The following RBFOX1 variants were observed in gnomAD, a reference collection of about 807,000 sequenced individuals.
The protein encoded by RBFOX1 is RNA binding protein fox-1 homolog 1.
In RBFOX1, 8 loss-of-function variants were observed where a neutral mutation model predicts 57.7. The ratio of observed to expected loss-of-function variants is 0.14; its 90% CI spans 0.08 to 0.25. The LOEUF is 0.25. Among genes scored for constraint, RBFOX1 ranks in the 10% least tolerant of loss-of-function variants. RBFOX1 has a pLI of 1.00. For synonymous variants in RBFOX1, 326 were observed against 222.4 expected (o/e 1.47, Z -4.15); for missense variants, 611 against 548.5 (o/e 1.11, Z -1.14).
At chr16:7,531,489 G>A (rs1283192710) in intron 5 of RBFOX1, among the ~76,000 whole-genome samples, 2 of 152,156 alleles carry the variant, frequency 1.3e-5, no homozygotes, top group East Asian at 3.9e-4. Flanking sequence ...GAGAAATCAA[G>A]GATGTTGCCC....
intron 4 of RBFOX1, among the ~76,000 whole-genome samples, chr16:5,942,207 T>A (rs1268679852): frequency 6.6e-6 from 1 of 152,182 alleles, no homozygotes; most frequent in East Asian, 1.9e-4. Flanking sequence ...GAGTTTTTTT[T>A]ATTACTCAAA....
chr16:6,719,084 C>G (rs1458195748), intron 3 of RBFOX1, among the ~76,000 whole-genome samples: 3 of 152,058 alleles, frequency 2.0e-5, no homozygotes, highest in African/African-American at 7.2e-5. Context: ...CCAGGCTGGT[C>G]TTGAACTCCT....
intron 4 of RBFOX1, among the ~76,000 whole-genome samples, chr16:7,173,313 A>C (rs13330149): frequency 0.035 from 5,386 of 152,212 alleles, 311 homozygotes; most frequent in African/African-American, 0.12. Context: ...TGAAGAAACT[A>C]ATAGCTGGAG....
chr16:6,272,169 C>T (rs1233081858), intron 1 of RBFOX1, among the ~76,000 whole-genome samples: 1 of 152,110 alleles, frequency 6.6e-6, no homozygotes, highest in African/African-American at 2.4e-5. Flanking sequence ...GTAATCTACC[C>T]TACCAATAGG....
intron 3 of RBFOX1, among the ~76,000 whole-genome samples, chr16:5,831,993 C>T (rs1230458844): frequency 6.6e-6 from 1 of 152,148 alleles, no homozygotes; most frequent in African/African-American, 2.4e-5. Context: ...GATGTTAGCA[C>T]TTTCATCCTA....
chr16:7,555,139 C>T (rs896847928), intron 5 of RBFOX1, among the ~76,000 whole-genome samples: 15 of 152,108 alleles, frequency 9.9e-5, no homozygotes, highest in East Asian at 1.9e-4. Context: ...ATGCATCTCC[C>T]CACCCTCTTA....
At chr16:6,337,727 A>T (rs1368410536) in intron 2 of RBFOX1, among the ~76,000 whole-genome samples, 6 of 152,124 alleles carry the variant, frequency 3.9e-5, no homozygotes, top group Admixed American at 3.9e-4. Context: ...TTATAAGACC[A>T]TCTCTGTAAA....
chr16:7,287,243 G>A (rs2095667887), intron 4 of RBFOX1, among the ~76,000 whole-genome samples: 1 of 152,192 alleles, frequency 6.6e-6, no homozygotes. Context: ...AAGACAAGCA[G>A]TCCTCATAAT....
intron 3 of RBFOX1, among the ~76,000 whole-genome samples, chr16:6,871,302 C>G (rs1318584666): frequency 6.6e-6 from 1 of 152,136 alleles, no homozygotes; most frequent in Non-Finnish European, 1.5e-5. Flanking sequence ...TTTCCTGCAT[C>G]AACTTCCTGA....
chr16:7,216,832 ATTTAC>A (rs1464028802), intron 4 of RBFOX1, among the ~76,000 whole-genome samples: 1 of 152,100 alleles, frequency 6.6e-6, no homozygotes, highest in African/African-American at 2.4e-5. Flanking sequence ...ACAAATATGT[ATTTAC>A]TTTTTACCAA....
intron 1 of RBFOX1, chr16:6,056,947 C>T (rs1216386102): frequency 1.3e-5 from 2 of 150,318 alleles, no homozygotes; most frequent in East Asian, 2.0e-4. Flanking sequence ...ATTGATTAAA[C>T]TCTCTTTTTA....
At chr16:7,603,491 G>T (rs1447323821) in intron 9 of RBFOX1, among the ~76,000 whole-genome samples, 2 of 152,124 alleles carry the variant, frequency 1.3e-5, no homozygotes, top group African/African-American at 2.4e-5. Context: ...AATAAAACTG[G>T]GAATGGAATC....
At chr16:6,575,850 C>G (rs1315277365) in intron 2 of RBFOX1, among the ~76,000 whole-genome samples, 1 of 138,240 alleles carries the variant, frequency 7.2e-6, no homozygotes, top group Non-Finnish European at 1.5e-5. Context: ...GAGTGAGACT[C>G]CATCTCAATA....
In RBFOX1 at chr16:6,244,920, A is replaced by C. The variant is rs148125817; in HGVS notation, c.-126-72075A>C. Among the ~76,000 whole-genome samples, 36 of 150,198 alleles carry C rather than the reference A, an allele frequency of 2.4e-4. No individual in the cohort carries two copies. The South Asian group carries it at 7.7e-3, about 32-fold the overall frequency. ...GTGTCCTTTGGCAAACTGAATACCC[A>C]GTTTTGTTTTGTTTTGTTTTGTTTT... On this transcript the variant is annotated intron_variant, in intron 1 of 15. Transcript: ENST00000550418.
At chr16:6,171,988 A>AT (rs1418263900) in intron 1 of RBFOX1, among the ~76,000 whole-genome samples, 7 of 151,586 alleles carry the variant, frequency 4.6e-5, no homozygotes, top group African/African-American at 1.7e-4. Flanking sequence ...CGCTTGGGTA[A>AT]TTTTTTGTAT....
chr16:7,037,441 T>C (rs952941362), intron 3 of RBFOX1, among the ~76,000 whole-genome samples: 7 of 151,970 alleles, frequency 4.6e-5, no homozygotes, highest in African/African-American at 1.7e-4. Flanking sequence ...CTATTCAAGA[T>C]GGAGTTGCTC....
At chr16:7,559,439 G>T (rs1876341) in intron 5 of RBFOX1, among the ~76,000 whole-genome samples, 15,001 of 152,020 alleles carry the variant, frequency 0.099, 1,530 homozygotes, top group African/African-American at 0.26. Context: ...AGAAACCATT[G>T]GAAACATCAC....
intron 2 of RBFOX1, among the ~76,000 whole-genome samples, chr16:6,336,106 G>C (rs12923903): frequency 4.1e-5 from 5 of 121,640 alleles, no homozygotes; most frequent in African/African-American, 1.4e-4. Flanking sequence ...TTGCAAATAA[G>C]AAGGCTTAAA....
chr16:6,536,740 G>T (rs1261606499), intron 2 of RBFOX1, among the ~76,000 whole-genome samples: 1 of 152,094 alleles, frequency 6.6e-6, no homozygotes, highest in African/African-American at 2.4e-5. Context: ...CTTCTAAGTG[G>T]AAAGGTTTTA....
Sources: gnomAD v4.1 joint callset for allele counts (sites outside exome capture counted in the v4.1 genomes callset) on GRCh38, gnomAD v4.1.1 for gene constraint, MANE v1.5 for transcripts, NCBI Gene and HGNC (gene_info 2026-07-23, HGNC 2026-07-21) for gene names.